The following NEDD1 variants were observed in gnomAD, a reference collection of about 807,000 sequenced individuals.
The protein encoded by NEDD1 is protein NEDD1.
A neutral mutation model predicts 74.0 loss-of-function variants in NEDD1; 33 were observed. The ratio of observed to expected loss-of-function variants is 0.45; its 90% CI spans 0.34 to 0.60. The LOEUF (loss-of-function observed/expected upper bound fraction) is 0.60, where lower values mean the gene tolerates loss of function less well. NEDD1 is among the 20% of genes least tolerant of loss of function. NEDD1 has a pLI of 0.01. For missense variants in NEDD1, 746 were observed against 776.5 expected (o/e 0.96, Z 0.47); for synonymous variants, 250 against 264.4 (o/e 0.95, Z 0.53).
In NEDD1 at chr12:96,933,985, G is replaced by T. The variant is rs117878496; in HGVS notation, c.490-991G>T. Among the ~76,000 whole-genome samples, 1,155 of 152,258 alleles carry T rather than the reference G, an allele frequency of 7.6e-3. 5 individuals are homozygous for T. Among genetic ancestry groups the T allele is most frequent in the Non-Finnish European group, 0.012 (816 of 67,998 alleles). ...AGAGAATATCTCCACTACCTGCAGG[G>T]ATTTGTGTTTAGAGAAAGGCCAGCA... On this transcript the variant is annotated intron_variant, in intron 6 of 15. Transcript: ENST00000266742.
chr12:96,940,003 T>TA (rs909683666), intron 9 of NEDD1, among the ~76,000 whole-genome samples: 23 of 151,374 alleles, frequency 1.5e-4, no homozygotes, highest in Non-Finnish European at 2.1e-4. Flanking sequence ...CCTTACAGAC[T>TA]AAAAAAAAAT....
At chr12:96,946,687 G>A (rs1045829667) in intron 14 of NEDD1, among the ~76,000 whole-genome samples, 3 of 152,280 alleles carry the variant, frequency 2.0e-5, no homozygotes, top group Non-Finnish European at 4.4e-5. Context: ...GATGTAGTTG[G>A]GCTAGGTGCA....
At chr12:96,921,422 C>A (rs369634125) in intron 6 of NEDD1, among the ~76,000 whole-genome samples, 7 of 152,114 alleles carry the variant, frequency 4.6e-5, no homozygotes, top group East Asian at 3.9e-4. Context: ...CTCAGGTGAT[C>A]CACCTCCCTC....
chr12:96,931,144 ATGTG>A (rs1191093311), intron 6 of NEDD1, among the ~76,000 whole-genome samples: 3 of 152,182 alleles, frequency 2.0e-5, no homozygotes, highest in Non-Finnish European at 4.4e-5. Context: ...GGCCATATAT[ATGTG>A]TGTATGTTCA....
At chr12:96,921,652 T>C in intron 6 of NEDD1, among the ~76,000 whole-genome samples, 1 of 141,188 alleles carries the variant, frequency 7.1e-6, no homozygotes. Context: ...TATAAAGCTT[T>C]AGAAGAGGGA....
chr12:96,939,939 G>A lies in NEDD1; in HGVS notation c.1118-470G>A, dbSNP rs1216288100. 5.9e-5 allele frequency among the ~76,000 whole-genome samples: 9 copies of A among 151,954 alleles called. 1 individual carries two copies. Among genetic ancestry groups the A allele is most frequent in the Non-Finnish European group, 1.3e-4 (9 of 67,946 alleles). On this transcript the variant is annotated intron_variant, in intron 9 of 15. Transcript: ENST00000266742. Reference sequence around the variant, plus strand: ...GAAAACCCCTTCACTGCAAGTCAGGGAAGAAAAGTAACATTAATTGAATCC... The same window carrying A: ...GAAAACCCCTTCACTGCAAGTCAGGAAAGAAAAGTAACATTAATTGAATCC...
intron 5 of NEDD1, 38 bp downstream of exon 5, chr12:96,917,775 T>A: frequency 6.5e-7 from 1 of 1,531,354 alleles, no homozygotes; most frequent in South Asian, 1.3e-5. Context: ...AAAAAATGGA[T>A]ATCTTAATGC....
intron 4 of NEDD1, 27 bp from the exon 5 acceptor site, chr12:96,917,594 G>C: frequency 6.9e-7 from 1 of 1,459,854 alleles, no homozygotes; most frequent in Non-Finnish European, 9.0e-7. Flanking sequence ...TTAAATTAAG[G>C]TAACTTTTTT....
chr12:96,919,991 A>G lies in NEDD1; in HGVS notation c.355A>G (p.Lys119Glu), dbSNP rs750911180. 10 of 1,604,420 alleles carry G rather than the reference A, an allele frequency of 6.2e-6. No homozygotes were observed. The highest frequency in any genetic ancestry group is 1.7e-5 in the Admixed American group (1 of 59,376). ...TTTCATTTCTCTCTTTCAGGATCAT[A>G]AAGATCAAGTAACTTGTGTAACATA... Reference protein sequence around the residue: ...KRVHRSLKDHKDQVTCVTYNW... With the variant: ...KRVHRSLKDHEDQVTCVTYNW... The change falls in exon 6 of 16, where the codon AAA (lysine) becomes GAA (glutamate). Residue 119 changes from lysine to glutamate, a missense_variant. This residue lies in a region of NEDD1 where 706 missense variants were observed against 706.7 expected (regional missense o/e 1.00). Coordinates refer to ENST00000266742, the MANE Select transcript of NEDD1 (RefSeq NM_152905.4).
At position 96,917,874 on chromosome 12, in the gene NEDD1, T is replaced by C. The variant is rs1874639858; in HGVS notation, c.348+137T>C. ...TTGAACTAAGATTTGTTAGGGAAAATAAAGGTGCTATTTAGCCAAAAACTT... is the reference window on the plus strand; with the variant it reads ...TTGAACTAAGATTTGTTAGGGAAAACAAAGGTGCTATTTAGCCAAAAACTT... On this transcript the variant is annotated intron_variant, in intron 5 of 15. Coordinates refer to ENST00000266742, the MANE Select transcript of NEDD1 (RefSeq NM_152905.4). 8.3e-6 allele frequency: 9 copies of C among 1,087,614 alleles called. No individual in the cohort carries two copies. The South Asian group carries it at 1.8e-4, about 22-fold the overall frequency. 67.4% of individuals were successfully genotyped at this position (1,087,614 alleles called of 1,614,324 possible). A position where few individuals can be genotyped will look rare whatever the true frequency, so the allele number is the denominator to read the frequency against.
intron 14 of NEDD1, among the ~76,000 whole-genome samples, chr12:96,950,453 A>G (rs1324033889): frequency 6.6e-6 from 1 of 151,992 alleles, no homozygotes; most frequent in African/African-American, 2.4e-5. Flanking sequence ...ATTGTTTATA[A>G]CAACGTTGGA....
chr12:96,923,788 T>TTTTGTGTGTG (rs549447581), intron 6 of NEDD1, among the ~76,000 whole-genome samples: 2 of 142,250 alleles, frequency 1.4e-5, no homozygotes, highest in Non-Finnish European at 3.1e-5. Context: ...TAATACCTGT[T>TTTTGTGTGTG]TGTGTGTGTG....
chr12:96,908,078 T>C (rs1461149010), intron 2 of NEDD1, among the ~76,000 whole-genome samples: 1 of 152,170 alleles, frequency 6.6e-6, no homozygotes, highest in Non-Finnish European at 1.5e-5. Flanking sequence ...GGCTTAGAGC[T>C]CGCTTTTCCA....
At chr12:96,940,951 G>A (rs1174307558) in intron 10 of NEDD1, among the ~76,000 whole-genome samples, 1 of 151,846 alleles carries the variant, frequency 6.6e-6, no homozygotes, top group Admixed American at 6.6e-5. Context: ...TAAAAAAGTT[G>A]GCATAATAAA....
Position 96,952,639 on chromosome 12 carries a change from A to G in NEDD1, c.*586A>G, listed in dbSNP as rs1243694383. 2 of 151,772 alleles carry G rather than the reference A, an allele frequency of 1.3e-5. No homozygotes were observed. Among genetic ancestry groups the G allele is most frequent in the Non-Finnish European group, 3.0e-5 (2 of 67,744 alleles). 9.4% of individuals were successfully genotyped at this position (151,772 alleles called of 1,614,324 possible). ...AATTTTGAATTGCACAAATTACATG[A>G]TATCTTTTGCATTTATGTTACTATA... On this transcript the variant is annotated 3_prime_UTR_variant, in exon 16 of 16. Transcript: ENST00000266742.
chr12:96,925,304 T>C (rs545669214), intron 6 of NEDD1, among the ~76,000 whole-genome samples: 63 of 152,308 alleles, frequency 4.1e-4, no homozygotes, highest in African/African-American at 1.5e-3. Flanking sequence ...TTGGAGAGCA[T>C]TGTAAGCAGA....
rs538366965 is a variant in NEDD1, at chr12:96,928,567, T to C, written c.490-6409T>C. 3.9e-5 allele frequency among the ~76,000 whole-genome samples: 6 copies of C among 152,240 alleles called. No individual in the cohort carries two copies. The South Asian group carries it at 1.2e-3, about 32-fold the overall frequency. Reference sequence around the variant, plus strand: ...AAACCCTTTTAAGTCACTAGTTTTTTATTCCTAGGTTATTCAAAGGAATTT... The same window carrying C: ...AAACCCTTTTAAGTCACTAGTTTTTCATTCCTAGGTTATTCAAAGGAATTT... On this transcript the variant is annotated intron_variant, in intron 6 of 15. Coordinates refer to ENST00000266742, the MANE Select transcript of NEDD1 (RefSeq NM_152905.4).
chr12:96,912,085 C>T (rs1195230071), intron 3 of NEDD1, among the ~76,000 whole-genome samples: 1 of 151,546 alleles, frequency 6.6e-6, no homozygotes, highest in Non-Finnish European at 1.5e-5. Flanking sequence ...ATTTACAATT[C>T]GTGTAAAAGA....
At position 96,909,853 on chromosome 12, in the gene NEDD1, A is replaced by C; in HGVS notation, c.94A>C (p.Thr32Pro). Residue 32 changes from threonine (T) to proline (P), a missense_variant, in exon 3 of 16, where the codon ACA becomes CCA. Physicochemically the swap from Thr to Pro is conservative, Grantham distance 38 (BLOSUM62 -1). Transcript: ENST00000266742. The part of the protein sequence containing the change: ...MTLVDKFNPH[T>P]SPHGISSICW... Reference sequence around the variant, plus strand: ...ATTGGTGGATAAATTCAACCCACACACATCACCACATGGAATCAGCTCAAT... The same window carrying C: ...ATTGGTGGATAAATTCAACCCACACCCATCACCACATGGAATCAGCTCAAT... The C allele has an allele frequency of 6.2e-7, 1 of 1,613,830 alleles. No homozygotes were observed. The highest frequency in any genetic ancestry group is 1.3e-5 in the African/African-American group (1 of 74,966).
Sources: allele counts gnomAD v4.1 joint callset (sites outside exome capture counted in the v4.1 genomes callset), GRCh38; gene constraint gnomAD v4.1.1; regional missense constraint gnomAD v4.1.1; transcripts MANE v1.5; gene names NCBI Gene and HGNC (gene_info 2026-07-23, HGNC 2026-07-21).